Variants in CDC42BPA observed in about 807,000 individuals in gnomAD.
The protein encoded by CDC42BPA is serine/threonine-protein kinase MRCK alpha.
CDC42BPA carries 80 observed loss-of-function variants against 223.5 expected under a neutral mutation model. The ratio of observed to expected loss-of-function variants is 0.36; its 90% CI spans 0.30 to 0.43. The LOEUF (loss-of-function observed/expected upper bound fraction) is 0.43, where lower values mean the gene tolerates loss of function less well. Ranked by LOEUF, CDC42BPA falls within the 20% of genes least tolerant of loss-of-function variation. The probability of loss-of-function intolerance (pLI) is 1.00; values close to 1 mark genes in which losing one functional copy is unlikely to be tolerated. For synonymous variants in CDC42BPA, 694 were observed against 718.6 expected, an observed-to-expected ratio of 0.97 and a Z score of 0.55; for missense variants, 1,743 against 2,099.9, an observed-to-expected ratio of 0.83 and a Z score of 3.32.
At chr1:227,091,506 T>C (rs1228105711) in intron 16 of CDC42BPA, among the ~76,000 whole-genome samples, 2 of 152,170 alleles carry the variant, frequency 1.3e-5, no homozygotes, top group African/African-American at 2.4e-5. Flanking sequence ...TCACCAGAAG[T>C]AGATGCTGGC....
At chr1:227,211,587 CATAA>C (rs1488940726) in intron 3 of CDC42BPA, among the ~76,000 whole-genome samples, 1 of 151,916 alleles carries the variant, frequency 6.6e-6, no homozygotes, top group Non-Finnish European at 1.5e-5. Context: ...TACATATACA[CATAA>C]ATAAATATAT....
intron 1 of CDC42BPA, chr1:227,265,202 A>T (rs987795801): frequency 2.6e-4 from 161 of 616,790 alleles, no homozygotes; most frequent in Non-Finnish European, 4.0e-4. Context: ...AAGCGTGCTA[A>T]AAGTGCACAC....
intron 23 of CDC42BPA, among the ~76,000 whole-genome samples, chr1:227,041,154 T>C (rs1671283755): frequency 6.6e-6 from 1 of 152,098 alleles, no homozygotes; most frequent in African/African-American, 2.4e-5. Flanking sequence ...AAAAAATAAT[T>C]TCAACTCTTA....
At chr1:227,240,376 A>G (rs1323302746) in intron 2 of CDC42BPA, among the ~76,000 whole-genome samples, 1 of 152,120 alleles carries the variant, frequency 6.6e-6, no homozygotes, top group African/African-American at 2.4e-5. Context: ...CTCAGTGCAT[A>G]CTCAATTACA....
In CDC42BPA at chr1:227,072,293, T is replaced by C. The variant is rs1226049257; in HGVS notation, c.2742A>G (p.Leu914=). ...KASNIITECK[L]KDSEKKNLEL... ...CCAAGTTCTTCTTCTCTGAATCTTT[T>C]AGTTTACTTAAATAAGGAGAAAAAA... Residue 914 remains leucine (L), a synonymous_variant, in exon 20 of 37, where the codon CTA becomes CTG. Transcript: ENST00000366766. The C allele has an allele frequency of 2.5e-6, 4 of 1,582,278 alleles. No individual in the cohort carries two copies. The highest frequency in any genetic ancestry group is 3.5e-6 in the Non-Finnish European group (4 of 1,152,984).
At chr1:227,154,929 T>A (rs992367948) in intron 6 of CDC42BPA, among the ~76,000 whole-genome samples, 1 of 152,120 alleles carries the variant, frequency 6.6e-6, no homozygotes, top group African/African-American at 2.4e-5. Flanking sequence ...GGGCCAAGAA[T>A]AGCCAAGATA....
At chr1:227,269,809 G>A (rs1685667851) in intron 1 of CDC42BPA, among the ~76,000 whole-genome samples, 1 of 151,986 alleles carries the variant, frequency 6.6e-6, no homozygotes, top group Non-Finnish European at 1.5e-5. Context: ...CCATGGGATA[G>A]GCAAAAAAGA....
chr1:227,072,209 C>G lies in CDC42BPA; in HGVS notation c.2826G>C (p.Lys942Asn). The change falls in exon 20 of 37, where the codon AAG (lysine) becomes AAC (asparagine). Residue 942 changes from lysine to asparagine, a missense_variant and splice_region_variant. Lys to Asn is a moderately conservative substitution (Grantham distance 94). Transcript: ENST00000366766. ...TGAGGCAAACACACACTCCCATACC[C>G]TTTTCAGATCTAAGCTCTTCAGTGT... is the stretch of plus-strand genomic sequence containing the variant. The part of the protein sequence containing the change: ...IKDTEELRSE[K>N]GIEHQDSQHS... 6.3e-7 allele frequency: 1 copy of G among 1,578,962 alleles called. No individual in the cohort carries two copies. Among genetic ancestry groups the G allele is most frequent in the Non-Finnish European group, 8.7e-7 (1 of 1,150,796 alleles).
intron 35 of CDC42BPA, among the ~76,000 whole-genome samples, chr1:227,003,146 G>GCATCATTTCATTGCTT (rs2148338985): frequency 6.6e-6 from 1 of 152,278 alleles, no homozygotes; most frequent in Admixed American, 6.5e-5. Context: ...AATGAATGGA[G>GCATCATTTCATTGCTT]GAAACTCAAT....
rs764877770 is a variant in CDC42BPA at position 227,040,248 on chromosome 1, A to G, written c.3094-12T>C. ...TGGTGAGTCTTGCGCTGCAAAACAA[A>G]TTGATAAAAAAACACACAGATTGTT... On this transcript the variant is annotated splice_polypyrimidine_tract_variant and intron_variant, in intron 23 of 36. Transcript: ENST00000366766. 31 of 1,518,246 alleles carry G rather than the reference A, an allele frequency of 2.0e-5. No homozygotes were observed. Among genetic ancestry groups the G allele is most frequent in the Non-Finnish European group, 2.6e-5 (28 of 1,093,638 alleles). 94.0% of individuals were successfully genotyped at this position (1,518,246 alleles called of 1,614,324 possible).
In CDC42BPA at chr1:227,069,830, G is replaced by C. The variant is rs1364435167; in HGVS notation, c.2851C>G (p.His951Asp). 3.7e-6 allele frequency: 6 copies of C among 1,611,374 alleles called. No individual in the cohort carries two copies. Among genetic ancestry groups the C allele is most frequent in the Admixed American group, 3.3e-5 (2 of 59,930 alleles). ...GTATTCAAAAATGCCAAGAAAGAAT[G>C]CTGTGAGTCTTGGTGCTCTATACCT... ...EKGIEHQDSQ[H>D]SFLAFLNTPT... Residue 951 changes from histidine (H) to aspartate (D), a missense_variant, in exon 21 of 37, where the codon CAT becomes GAT. Coordinates refer to ENST00000366766, the MANE Select transcript of CDC42BPA (RefSeq NM_001394014.1).
chr1:227,013,381 T>G (rs1309706343), intron 34 of CDC42BPA, among the ~76,000 whole-genome samples: 1 of 151,976 alleles, frequency 6.6e-6, no homozygotes, highest in Non-Finnish European at 1.5e-5. Context: ...GATACAGATT[T>G]TTTCTTTTTA....
chr1:227,046,784 AG>A (rs1265233143), intron 23 of CDC42BPA, among the ~76,000 whole-genome samples: 3 of 152,116 alleles, frequency 2.0e-5, no homozygotes, highest in Non-Finnish European at 2.9e-5. Context: ...TGTTCTTAAT[AG>A]TTTTCTGTGG....
At chr1:227,120,063 T>C in intron 11 of CDC42BPA, 126 bp from the exon 12 acceptor site, 1 of 621,880 alleles carries the variant, frequency 1.6e-6, no homozygotes. Flanking sequence ...TGACAGTGTA[T>C]ACCAGTATGA....
chr1:227,095,118 G>A (rs1197613060), intron 15 of CDC42BPA, among the ~76,000 whole-genome samples: 1 of 152,180 alleles, frequency 6.6e-6, no homozygotes. Flanking sequence ...CTTATAGCCT[G>A]ATGCTTCCAA....
chr1:227,092,619 T>A (rs1683286291), intron 15 of CDC42BPA, among the ~76,000 whole-genome samples: 6 of 152,244 alleles, frequency 3.9e-5, no homozygotes, highest in Non-Finnish European at 8.8e-5. Context: ...AGCCACTTCC[T>A]AGTGTTATCA....
intron 21 of CDC42BPA, among the ~76,000 whole-genome samples, chr1:227,066,043 A>G (rs1475434694): frequency 3.3e-5 from 5 of 152,232 alleles, no homozygotes; most frequent in African/African-American, 1.2e-4. Context: ...AGCATCAAGC[A>G]CAATATAACT....
chr1:227,256,992 A>ACCT (rs1683190358), intron 1 of CDC42BPA, among the ~76,000 whole-genome samples: 6 of 101,574 alleles, frequency 5.9e-5, no homozygotes, highest in Admixed American at 5.9e-4. Flanking sequence ...CACACACACC[A>ACCT]GTATGTTAAG....
chr1:227,188,535 T>C (rs183474745), intron 5 of CDC42BPA, among the ~76,000 whole-genome samples: 1 of 152,326 alleles, frequency 6.6e-6, no homozygotes, highest in East Asian at 1.9e-4. Flanking sequence ...AATAGAATGT[T>C]ACTCACTAAA....
Sources: gnomAD v4.1 joint callset for allele counts (sites outside exome capture counted in the v4.1 genomes callset) on GRCh38, gnomAD v4.1.1 for gene constraint, MANE v1.5 for transcripts, NCBI Gene and HGNC (gene_info 2026-07-23, HGNC 2026-07-21) for gene names.